Variants in AKAP13 observed in about 807,000 individuals in gnomAD.
AKAP13 encodes A-kinase anchoring protein 13.
A neutral mutation model predicts 264.5 loss-of-function variants in AKAP13; 80 were observed. The observed-to-expected ratio is 0.30, with a 90% CI of 0.25 to 0.36. AKAP13 has a LOEUF of 0.36. Ranked by LOEUF, AKAP13 falls within the 10% of genes least tolerant of loss-of-function variation. AKAP13 has a pLI of 1.00. For missense variants in AKAP13, 3,712 were observed against 3,435.2 expected (o/e 1.08, Z -2.01); for synonymous variants, 1,380 against 1,250.2 (o/e 1.10, Z -2.19).
At chr15:85,611,618 C>G (rs2080628940) in intron 8 of AKAP13, among the ~76,000 whole-genome samples, 1 of 152,220 alleles carries the variant, frequency 6.6e-6, no homozygotes, top group South Asian at 2.1e-4. Flanking sequence ...AGCTTGCTCC[C>G]TTCTGTCTTT....
intron 1 of AKAP13, among the ~76,000 whole-genome samples, chr15:85,444,228 C>G (rs2073820499): frequency 6.6e-6 from 1 of 152,134 alleles, no homozygotes; most frequent in Non-Finnish European, 1.5e-5. Flanking sequence ...TTATTCCTGA[C>G]AGGTGTTATG....
chr15:85,458,180 C>G (rs908304820), intron 1 of AKAP13, among the ~76,000 whole-genome samples: 3 of 151,088 alleles, frequency 2.0e-5, no homozygotes, highest in Non-Finnish European at 4.4e-5. Context: ...TTTTAATTAT[C>G]CCTTAAAAAT....
intron 19 of AKAP13, among the ~76,000 whole-genome samples, chr15:85,715,407 C>T (rs995025804): frequency 2.0e-5 from 3 of 152,096 alleles, no homozygotes; most frequent in African/African-American, 7.2e-5. Flanking sequence ...CATCATTTCA[C>T]GAATATGCAG....
At chr15:85,668,957 G>T (rs1438134006) in intron 13 of AKAP13, among the ~76,000 whole-genome samples, 4 of 151,994 alleles carry the variant, frequency 2.6e-5, no homozygotes, top group African/African-American at 9.7e-5. Context: ...ATAAAAATAG[G>T]CTGGGTGCGG....
At position 85,582,701 on chromosome 15, in the gene AKAP13, G is replaced by A. The variant is rs112888309; in HGVS notation, c.4039+594G>A. On this transcript the variant is annotated intron_variant, in intron 7 of 36. Coordinates refer to ENST00000394518, the MANE Select transcript of AKAP13 (RefSeq NM_007200.5). ...TTTTTGGGCTAGGGGTGTTGTTGAC[G>A]GGGAACTCCTTCCTTTTCCTGCTTG... Among the ~76,000 whole-genome samples, 479 of 151,802 alleles carry A rather than the reference G, an allele frequency of 3.2e-3. 3 individuals carry two copies. Among genetic ancestry groups the A allele is most frequent in the African/African-American group, 0.011 (447 of 41,372 alleles).
intron 1 of AKAP13, among the ~76,000 whole-genome samples, chr15:85,415,948 C>T (rs375322047): frequency 6.6e-6 from 1 of 151,800 alleles, no homozygotes; most frequent in Non-Finnish European, 1.5e-5. Flanking sequence ...TACGCATAAC[C>T]CCTAGAGCTC....
At chr15:85,656,670 G>C (rs528663100) in intron 11 of AKAP13, among the ~76,000 whole-genome samples, 1 of 152,044 alleles carries the variant, frequency 6.6e-6, no homozygotes, top group African/African-American at 2.4e-5. Flanking sequence ...GGATGGTCTC[G>C]ATCTCCTGAC....
chr15:85,505,596 G>A (rs1450511777), intron 2 of AKAP13, among the ~76,000 whole-genome samples: 2 of 152,070 alleles, frequency 1.3e-5, no homozygotes, highest in African/African-American at 2.4e-5. Context: ...TAACAGTGAA[G>A]TCAACCTAAG....
chr15:85,422,425 C>G (rs2072565989), intron 1 of AKAP13, among the ~76,000 whole-genome samples: 1 of 152,084 alleles, frequency 6.6e-6, no homozygotes, highest in African/African-American at 2.4e-5. Flanking sequence ...AAAACTTTGT[C>G]CTTATGTTGG....
At chr15:85,736,219 T>C (rs1375962197) in intron 33 of AKAP13, 85 bp downstream of exon 33, 14 of 1,198,318 alleles carry the variant, frequency 1.2e-5, no homozygotes, top group Admixed American at 2.1e-5. Context: ...TTTTTTTTTT[T>C]CTTTTTGCTG....
At chr15:85,400,976 C>T (rs1469562653) in intron 1 of AKAP13, among the ~76,000 whole-genome samples, 1 of 151,888 alleles carries the variant, frequency 6.6e-6, no homozygotes, top group Non-Finnish European at 1.5e-5. Context: ...ATTCTCCTGC[C>T]TCAACCTCCC....
chr15:85,744,858 G>A lies in AKAP13; in HGVS notation c.*181G>A. On this transcript the variant is annotated 3_prime_UTR_variant, in exon 37 of 37. Transcript: ENST00000394518. ...ATGATATTGAGTGTCGGGTGGGGAAGGAGGCCCAGACTCTGCTTCGGCCAT... is the reference window on the plus strand; with the variant it reads ...ATGATATTGAGTGTCGGGTGGGGAAAGAGGCCCAGACTCTGCTTCGGCCAT... The A allele has an allele frequency of 3.6e-6, 2 of 548,060 alleles. No individual in the cohort carries two copies. The highest frequency in any genetic ancestry group is 2.5e-5 in the South Asian group (1 of 39,934). 33.9% of individuals were successfully genotyped at this position (548,060 alleles called of 1,614,324 possible). A position where few individuals can be genotyped will look rare whatever the true frequency, so the allele number is the denominator to read the frequency against.
At chr15:85,729,667 T>C (rs1419922973) in intron 29 of AKAP13, among the ~76,000 whole-genome samples, 2 of 151,892 alleles carry the variant, frequency 1.3e-5, no homozygotes, top group Non-Finnish European at 2.9e-5. Flanking sequence ...CCAGGTGCGG[T>C]GGCTCACACC....
At chr15:85,569,941 G>A (rs2078751443) in intron 5 of AKAP13, among the ~76,000 whole-genome samples, 1 of 152,006 alleles carries the variant, frequency 6.6e-6, no homozygotes, top group Admixed American at 6.5e-5. Flanking sequence ...GCCGGGCATG[G>A]TGGCGGGCGC....
At position 85,579,822 on chromosome 15, in the gene AKAP13, A is replaced by C. The variant is rs1567136552; in HGVS notation, c.1754A>C (p.Asn585Thr). ...AGTGCTGATGCTCCAGTAGATCAGA[A>C]TTCTGTGGTGATTCCAGCTGCTGCA... ...EESADAPVDQ[N>T]SVVIPAAAKD... is the part of the protein sequence containing the mutation. Residue 585 changes from asparagine to threonine, a missense_variant, in exon 7 of 37, where the codon AAT becomes ACT. By Grantham distance (65) the Asn-to-Thr change is moderately conservative. This residue lies in a region of AKAP13 where 2,759 missense variants were observed against 2,411.7 expected (regional missense o/e 1.14). Coordinates refer to ENST00000394518, the MANE Select transcript of AKAP13 (RefSeq NM_007200.5). The C allele has an allele frequency of 6.2e-7, 1 of 1,614,218 alleles. No homozygotes were observed. Among genetic ancestry groups the C allele is most frequent in the African/African-American group, 1.3e-5 (1 of 75,052 alleles).
chr15:85,382,678 A>G lies in AKAP13; in HGVS notation c.-12+1880A>G, dbSNP rs188724452. ...TCTCACACTTCTTTTGCCTTGACTAAATGGTAACTGCACACATACTATACT... is the reference window on the plus strand; with the variant it reads ...TCTCACACTTCTTTTGCCTTGACTAGATGGTAACTGCACACATACTATACT... On this transcript the variant is annotated intron_variant, in intron 1 of 36. Coordinates refer to ENST00000394518, the MANE Select transcript of AKAP13 (RefSeq NM_007200.5). 3.3e-5 allele frequency among the ~76,000 whole-genome samples: 5 copies of G among 152,282 alleles called. No homozygotes were observed. The East Asian group carries it at 9.6e-4, about 29-fold the overall frequency.
rs144923035 is a variant in AKAP13 at position 85,467,053 on chromosome 15, C to G, written c.-11-18657C>G. On this transcript the variant is annotated intron_variant, in intron 1 of 36. Coordinates refer to ENST00000394518, the MANE Select transcript of AKAP13 (RefSeq NM_007200.5). ...CTCATTACCTTCTCTGCATTGGATA[C>G]TACATCTATTATTGTATTAACTACA... 3.1e-3 allele frequency among the ~76,000 whole-genome samples: 455 copies of G among 147,288 alleles called. 1 individual carries two copies. Among genetic ancestry groups the G allele is most frequent in the Middle Eastern group, 0.014 (4 of 292 alleles).
intron 8 of AKAP13, among the ~76,000 whole-genome samples, chr15:85,600,224 C>T (rs1330226801): frequency 6.6e-6 from 1 of 151,534 alleles, no homozygotes; most frequent in Admixed American, 6.6e-5. Context: ...TGTGTAAAGG[C>T]CCAAGATGTT....
intron 8 of AKAP13, 34 bp from the exon 9 acceptor site, chr15:85,639,340 A>G (rs750120402): frequency 4.8e-5 from 70 of 1,469,012 alleles, no homozygotes; most frequent in Admixed American, 1.7e-4. Context: ...CATTACTTCA[A>G]TGTCTGAAAC....
Sources: gnomAD v4.1 joint callset for allele counts (sites outside exome capture counted in the v4.1 genomes callset) on GRCh38, gnomAD v4.1.1 for gene constraint, gnomAD v4.1.1 regional missense constraint, MANE v1.5 for transcripts, NCBI Gene and HGNC (gene_info 2026-07-23, HGNC 2026-07-21) for gene names.